The following SHOX variants were observed in gnomAD, a reference collection of about 807,000 sequenced individuals.
The protein encoded by SHOX is short stature homeobox protein.
In SHOX, 12 loss-of-function variants were observed where a neutral mutation model predicts 29.6. The ratio of observed to expected loss-of-function variants is 0.41; its 90% CI spans 0.26 to 0.66. The LOEUF (loss-of-function observed/expected upper bound fraction) is 0.66, where lower values mean the gene tolerates loss of function less well. SHOX is among the 30% of genes least tolerant of loss of function. The pLI is 0.35. For missense variants in SHOX, 499 were observed against 437.7 expected (o/e 1.14, Z -1.25); for synonymous variants, 214 against 200.6 (o/e 1.07, Z -0.57).
rs1368856318 is a variant in SHOX, at chrX:646,689, A to G, written c.*2053A>G. The G allele has an allele frequency of 1.3e-5, 2 of 152,126 alleles. No homozygotes were observed. The highest frequency in any genetic ancestry group is 2.9e-5 in the Non-Finnish European group (2 of 68,038). The allele number at this position is 152,126 out of a possible 1,614,324, so 9.4% of individuals were successfully genotyped here. ...CCCCTTCAACATTTTTTATGTCAAA[A>G]TGTTACAACCGCTGTAAAATGACGG... On this transcript the variant is annotated 3_prime_UTR_variant, in exon 5 of 5. Coordinates refer to ENST00000686671, the MANE Select transcript of SHOX (RefSeq NM_000451.4).
At chrX:624,722 T>TTTCTTTCTTTCTTTCC (rs2052474444) in intron 1 of SHOX, 2 of 145,378 alleles carry the variant, frequency 1.4e-5, no homozygotes, top group Admixed American at 1.4e-4. Context: ...TCTTTCTTTC[T>TTTCTTTCTTTCTTTCC]TTCTTTCTTT....
At chrX:635,538 G>A (rs967880621) in intron 2 of SHOX, among the ~76,000 whole-genome samples, 5 of 152,186 alleles carry the variant, frequency 3.3e-5, no homozygotes, top group African/African-American at 1.2e-4. Flanking sequence ...GGGGAGCGCA[G>A]GAGCACGTTG....
chrX:625,486 C>G (rs2052506863), intron 1 of SHOX, among the ~76,000 whole-genome samples: 1 of 151,898 alleles, frequency 6.6e-6, no homozygotes, highest in Non-Finnish European at 1.5e-5. Context: ...CTGTCTGTCT[C>G]TCTGTCCCCT....
rs1310283465 is a variant in SHOX at position 650,500 on chromosome X, G to C, written c.*5864G>C. On this transcript the variant is annotated 3_prime_UTR_variant, in exon 5 of 5. Transcript: ENST00000686671. ...TTTAACCGAAATGAAGCCGAGACGG[G>C]TTTCAGGTTTTGGTGCCAAGCTCTG... Among the ~76,000 whole-genome samples, 2 of 152,090 alleles carry C rather than the reference G, an allele frequency of 1.3e-5. No homozygotes were observed. The highest frequency in any genetic ancestry group is 2.9e-5 in the Non-Finnish European group (2 of 68,018).
Position 650,811 on chromosome X carries a change from A to C in SHOX, c.*6175A>C, listed in dbSNP as rs866501006. ...TGACATTAAAAAAAAAAAAAAAAAAAAAAAAAAACTGGTGCCTAATTTATT... is the reference window on the plus strand; with the variant it reads ...TGACATTAAAAAAAAAAAAAAAAAACAAAAAAAACTGGTGCCTAATTTATT... On this transcript the variant is annotated 3_prime_UTR_variant, in exon 5 of 5. Coordinates refer to ENST00000686671, the MANE Select transcript of SHOX (RefSeq NM_000451.4). Among the ~76,000 whole-genome samples the C allele has an allele frequency of 5.3e-4, 78 of 147,294 alleles. No homozygotes were observed. Among genetic ancestry groups the C allele is most frequent in the Non-Finnish European group, 8.8e-4 (58 of 66,136 alleles).
intron 4 of SHOX, among the ~76,000 whole-genome samples, chrX:642,973 G>C (rs2052884020): frequency 6.7e-6 from 1 of 148,924 alleles, no homozygotes; most frequent in South Asian, 2.2e-4. Context: ...GGAGAGGCTT[G>C]GGGACCTGGT....
rs764008981 is a variant in SHOX, at chrX:641,096, C to A, written c.633+9C>A. The A allele has an allele frequency of 6.2e-7, 1 of 1,613,388 alleles. No homozygotes were observed. The highest frequency in any genetic ancestry group is 1.1e-5 in the South Asian group (1 of 91,062). Reference sequence around the variant, plus strand: ...GGATGCCTTTCCAACAGGTAGCTCACTTTTTCTTCCTCTGAAGATCCCTAG... The same window carrying A: ...GGATGCCTTTCCAACAGGTAGCTCAATTTTTCTTCCTCTGAAGATCCCTAG... On this transcript the variant is annotated intron_variant, in intron 4 of 4. Coordinates refer to ENST00000686671, the MANE Select transcript of SHOX (RefSeq NM_000451.4).
chrX:642,322 C>T (rs999378736), intron 4 of SHOX, among the ~76,000 whole-genome samples: 8 of 151,510 alleles, frequency 5.3e-5, no homozygotes, highest in Admixed American at 1.3e-4. Flanking sequence ...TCTGGCAGGG[C>T]GGACGCGTGG....
chrX:638,963 T>C (rs1386110102), intron 2 of SHOX, among the ~76,000 whole-genome samples: 1 of 152,054 alleles, frequency 6.6e-6, no homozygotes. Context: ...ATTAAGCGAC[T>C]AAGACTGTCA....
chrX:625,512 T>C (rs190781180), intron 1 of SHOX, among the ~76,000 whole-genome samples: 1 of 151,958 alleles, frequency 6.6e-6, no homozygotes, highest in East Asian at 2.0e-4. Context: ...TCGCTATTTT[T>C]CTCTGTCTAT....
upstream of SHOX, among the ~76,000 whole-genome samples, chrX:628,131 G>GCCTCTCTTTGTCTCTCTCTA (rs2052572085): frequency 5.8e-5 from 2 of 34,612 alleles, no homozygotes; most frequent in African/African-American, 1.7e-4. Context: ...GTCTCTCTCT[G>GCCTCTCTTTGTCTCTCTCTA]TATCTCTATC....
chrX:651,881 C>A (rs1391633860), downstream of SHOX, among the ~76,000 whole-genome samples: 1 of 152,070 alleles, frequency 6.6e-6, no homozygotes, highest in Non-Finnish European at 1.5e-5. Flanking sequence ...TGATTTGAAT[C>A]AAGTCAGAGC....
intron 2 of SHOX, among the ~76,000 whole-genome samples, chrX:639,869 T>C (rs2052820066): frequency 6.7e-6 from 1 of 149,968 alleles, no homozygotes; most frequent in African/African-American, 2.5e-5. Context: ...GGCATGGTGG[T>C]GAGCACCTGT....
intron 2 of SHOX, among the ~76,000 whole-genome samples, 190 bp from the exon 3 acceptor site, chrX:640,631 C>G (rs752193418): frequency 6.6e-6 from 1 of 152,234 alleles, no homozygotes; most frequent in South Asian, 2.1e-4. Context: ...ACCCCAATTT[C>G]CAGTACTAGG....
downstream of SHOX, among the ~76,000 whole-genome samples, chrX:654,967 C>A (rs1257858021): frequency 1.3e-5 from 2 of 149,978 alleles, no homozygotes; most frequent in African/African-American, 5.0e-5. Context: ...GGATGACAGG[C>A]GTGAGCCACC....
At chrX:657,882 A>G (rs191597846) in intron 5 of SHOX, among the ~76,000 whole-genome samples, 20 of 152,314 alleles carry the variant, frequency 1.3e-4, no homozygotes, top group African/African-American at 4.8e-4. Flanking sequence ...GAAGGGGCAG[A>G]TGGAAATGAA....
At chrX:633,050 G>A (rs958179470) in intron 1 of SHOX, among the ~76,000 whole-genome samples, 9 of 152,152 alleles carry the variant, frequency 5.9e-5, no homozygotes, top group African/African-American at 2.2e-4. Flanking sequence ...CACAGGAGAG[G>A]AGACAGAGAG....
In SHOX at chrX:645,420, T is replaced by TTTTTTTTTG. The variant is rs2052949576; in HGVS notation, c.*787_*788insTTTTTGTTT. 9.0e-6 allele frequency: 1 copy of TTTTTTTTTG among 111,074 alleles called. No homozygotes were observed. The highest frequency in any genetic ancestry group is 1.9e-5 in the Non-Finnish European group (1 of 52,820). The allele number at this position is 111,074 out of a possible 1,614,324, so 6.9% of individuals were successfully genotyped here. Reference sequence around the variant, plus strand: ...TTTTTTTTTTTTTTTTTTTTTTTTTTTTTGCTGTGTTACAGGATTCAGACG... The same window carrying TTTTTTTTTG: ...TTTTTTTTTTTTTTTTTTTTTTTTTTTTTTTTTTGTTTGCTGTGTTACAGGATTCAGACG... On this transcript the variant is annotated 3_prime_UTR_variant, in exon 5 of 5. Transcript: ENST00000686671.
upstream of SHOX, among the ~76,000 whole-genome samples, chrX:627,243 C>G (rs1231272631): frequency 2.0e-5 from 3 of 152,196 alleles, no homozygotes; most frequent in African/African-American, 7.2e-5. Context: ...CAGACTGGAG[C>G]TGCGGCCTCT....
Sources: gnomAD v4.1 joint callset for allele counts (sites outside exome capture counted in the v4.1 genomes callset) on GRCh38, gnomAD v4.1.1 for gene constraint, MANE v1.5 for transcripts, NCBI Gene and HGNC (gene_info 2026-07-23, HGNC 2026-07-21) for gene names.